Variants in REEP3 observed in about 807,000 individuals in gnomAD.
The protein encoded by REEP3 is receptor expression-enhancing protein 3.
Under a neutral mutation model 41.3 loss-of-function variants are expected in REEP3, and 20 were observed. The ratio of observed to expected loss-of-function variants is 0.48; its 90% CI spans 0.34 to 0.70. REEP3 has a LOEUF of 0.70. Among genes scored for constraint, REEP3 ranks in the 30% least tolerant of loss-of-function variants. REEP3 has a pLI of 0.01. For missense variants in REEP3, 271 were observed against 308.8 expected (o/e 0.88, Z 0.92); for synonymous variants, 104 against 101.8 (o/e 1.02, Z -0.13).
chr10:63,590,559 G>T (rs1956051958), intron 2 of REEP3, among the ~76,000 whole-genome samples: 1 of 151,974 alleles, frequency 6.6e-6, no homozygotes, highest in African/African-American at 2.4e-5. Flanking sequence ...TTATCGACTA[G>T]GCTACATAGA....
chr10:63,596,599 G>A (rs2133408190), intron 3 of REEP3, among the ~76,000 whole-genome samples: 2 of 152,176 alleles, frequency 1.3e-5, no homozygotes, highest in South Asian at 4.2e-4. Context: ...CATTTATGTG[G>A]TTCTCACAGA....
In REEP3 at chr10:63,619,678, G is replaced by A. The variant is rs751026758; in HGVS notation, c.589G>A (p.Gly197Arg). Residue 197 changes from glycine to arginine, a missense_variant, in exon 7 of 8, where the codon GGA becomes AGA. Transcript: ENST00000373758. ...SAGYGIPLKD[G>R]DEKTDEEAEG... The stretch of plus-strand genomic sequence containing the variant: ...AGGTTATGGAATTCCACTGAAAGAC[G>A]GAGATGAGAAAACAGATGAAGAAGC... The A allele has an allele frequency of 8.1e-6, 13 of 1,603,492 alleles. No homozygotes were observed. The highest frequency in any genetic ancestry group is 2.2e-5 in the East Asian group (1 of 44,674).
In REEP3 at chr10:63,624,580, C is replaced by T. The variant is rs555421175; in HGVS notation, c.*3711C>T. 63 of 152,054 alleles carry T rather than the reference C, an allele frequency of 4.1e-4. No homozygotes were observed. The highest frequency in any genetic ancestry group is 1.5e-3 in the African/African-American group (63 of 41,498). 9.4% of individuals were successfully genotyped at this position (152,054 alleles called of 1,614,324 possible). On this transcript the variant is annotated 3_prime_UTR_variant, in exon 8 of 8. Transcript: ENST00000373758. Reference sequence around the variant, plus strand: ...TAAACTCATTTTATTTGTGGCAATTCGCGTTTCTTTTTTTATGCCAGAGTA... The same window carrying T: ...TAAACTCATTTTATTTGTGGCAATTTGCGTTTCTTTTTTTATGCCAGAGTA...
intron 6 of REEP3, among the ~76,000 whole-genome samples, chr10:63,610,704 A>G (rs1956271277): frequency 6.6e-6 from 1 of 152,120 alleles, no homozygotes; most frequent in African/African-American, 2.4e-5. Flanking sequence ...CTAAGCTTAT[A>G]TTTTTTACTT....
intron 2 of REEP3, among the ~76,000 whole-genome samples, chr10:63,594,408 T>C (rs1272875005): frequency 1.3e-5 from 2 of 152,110 alleles, no homozygotes; most frequent in Non-Finnish European, 2.9e-5. Context: ...AAATAACTTA[T>C]AGTCTTCATA....
chr10:63,600,092 A>C (rs985803057), intron 5 of REEP3, among the ~76,000 whole-genome samples: 2 of 152,186 alleles, frequency 1.3e-5, no homozygotes, highest in Non-Finnish European at 2.9e-5. Flanking sequence ...GTGAAAATTT[A>C]AGTTTTTTGC....
At chr10:63,533,897 A>G (rs528136993) in intron 1 of REEP3, among the ~76,000 whole-genome samples, 45 of 151,766 alleles carry the variant, frequency 3.0e-4, no homozygotes, top group African/African-American at 1.1e-3. Context: ...TGGTAGAGAC[A>G]AGGTTTCACC....
intron 1 of REEP3, among the ~76,000 whole-genome samples, chr10:63,554,642 A>G (rs766047523): frequency 4.6e-5 from 7 of 152,222 alleles, no homozygotes; most frequent in Non-Finnish European, 7.3e-5. Context: ...TATCATCTGT[A>G]GAACTAGAAC....
chr10:63,619,343 A>C (rs1956335287), intron 6 of REEP3, among the ~76,000 whole-genome samples: 1 of 152,216 alleles, frequency 6.6e-6, no homozygotes, highest in South Asian at 2.1e-4. Context: ...ATATCTATTT[A>C]TATTCTTGAA....
At chr10:63,595,698 T>TC (rs1956107968) in intron 3 of REEP3, among the ~76,000 whole-genome samples, 1 of 152,018 alleles carries the variant, frequency 6.6e-6, no homozygotes, top group South Asian at 2.1e-4. Flanking sequence ...TGCCTCAGCC[T>TC]CCCGAGTAGC....
In REEP3 at chr10:63,528,464, C is replaced by T. The variant is rs1391975595; in HGVS notation, c.32+6887C>T. On this transcript the variant is annotated intron_variant, in intron 1 of 7. Transcript: ENST00000373758. Reference sequence around the variant, plus strand: ...TTTACATACACCATTCTAGTCCAAGCCAGCATCATCTCTGAAATGTGTTGT... The same window carrying T: ...TTTACATACACCATTCTAGTCCAAGTCAGCATCATCTCTGAAATGTGTTGT... Among the ~76,000 whole-genome samples, 4 of 152,296 alleles carry T rather than the reference C, an allele frequency of 2.6e-5. No individual in the cohort carries two copies. The East Asian group carries it at 5.8e-4, about 22-fold the overall frequency.
At chr10:63,585,329 T>C (rs1271443507) in intron 2 of REEP3, among the ~76,000 whole-genome samples, 3 of 152,168 alleles carry the variant, frequency 2.0e-5, no homozygotes, top group Non-Finnish European at 4.4e-5. Flanking sequence ...AAAGGAAAAG[T>C]ACGGTACACA....
Position 63,598,023 on chromosome 10 carries a change from G to T in REEP3, c.183-1G>T. 1 of 1,597,342 alleles carries T rather than the reference G, an allele frequency of 6.3e-7. No homozygotes were observed. Among genetic ancestry groups the T allele is most frequent in the Non-Finnish European group, 8.5e-7 (1 of 1,171,954 alleles). On this transcript the variant is annotated splice_acceptor_variant, in intron 3 of 7. Coordinates refer to ENST00000373758, the MANE Select transcript of REEP3 (RefSeq NM_001001330.3). LOFTEE classifies it high-confidence loss of function. ...TTATTTCCAAATGTTTTTCTTATTAGGTTTCCCCTGTACTATGAGCTGAAG... is the reference window on the plus strand; with the variant it reads ...TTATTTCCAAATGTTTTTCTTATTATGTTTCCCCTGTACTATGAGCTGAAG...
At chr10:63,523,313 G>T (rs925521519) in intron 1 of REEP3, among the ~76,000 whole-genome samples, 6 of 152,140 alleles carry the variant, frequency 3.9e-5, no homozygotes, top group African/African-American at 1.4e-4. Flanking sequence ...ATCAGAAAAG[G>T]CAAGGGAGAT....
chr10:63,602,909 C>T (rs1206572008), intron 5 of REEP3, among the ~76,000 whole-genome samples: 1 of 152,174 alleles, frequency 6.6e-6, no homozygotes, highest in Non-Finnish European at 1.5e-5. Flanking sequence ...AGATATAGCC[C>T]TCACCTGCAC....
At chr10:63,593,993 C>T (rs1589880777) in intron 2 of REEP3, among the ~76,000 whole-genome samples, 1 of 151,920 alleles carries the variant, frequency 6.6e-6, no homozygotes, top group Admixed American at 6.6e-5. Flanking sequence ...GCTTTCTGAA[C>T]AATTTATATA....
intron 2 of REEP3, among the ~76,000 whole-genome samples, chr10:63,590,436 T>A (rs1197089604): frequency 6.6e-6 from 1 of 152,160 alleles, no homozygotes; most frequent in Non-Finnish European, 1.5e-5. Context: ...AAAAGGAGGG[T>A]ATATGTGCAT....
chr10:63,559,741 A>G (rs148536482), intron 1 of REEP3, among the ~76,000 whole-genome samples: 205 of 152,312 alleles, frequency 1.3e-3, no homozygotes, highest in African/African-American at 4.8e-3. Flanking sequence ...ATCAAGTGAT[A>G]TAAGTAAAGT....
chr10:63,578,219 C>T (rs1189541026), intron 2 of REEP3, among the ~76,000 whole-genome samples: 1 of 152,126 alleles, frequency 6.6e-6, no homozygotes, highest in African/African-American at 2.4e-5. Context: ...CTTGCCTCAG[C>T]CTCCCGAGTA....
Sources: gnomAD v4.1 joint callset for allele counts (sites outside exome capture counted in the v4.1 genomes callset) on GRCh38, gnomAD v4.1.1 for gene constraint, MANE v1.5 for transcripts, NCBI Gene and HGNC (gene_info 2026-07-23, HGNC 2026-07-21) for gene names.